Variants in NEGR1 observed in about 807,000 individuals in gnomAD.
NEGR1 encodes IgLON family member 4.
NEGR1 carries 10 observed loss-of-function variants against 40.9 expected under a neutral mutation model. The ratio of observed to expected loss-of-function variants is 0.24; its 90% CI spans 0.15 to 0.42. The LOEUF (loss-of-function observed/expected upper bound fraction) is 0.42. NEGR1 is among the 10% of genes least tolerant of loss of function. NEGR1 has a pLI of 1.00. For synonymous variants in NEGR1, 185 were observed against 166.8 expected, an observed-to-expected ratio of 1.11 and a Z score of -0.84; for missense variants, 352 against 438.9, an observed-to-expected ratio of 0.80 and a Z score of 1.77.
intron 2 of NEGR1, among the ~76,000 whole-genome samples, chr1:71,789,942 G>A (rs915964474): frequency 9.9e-5 from 15 of 152,030 alleles, no homozygotes; most frequent in Middle Eastern, 3.4e-3. Context: ...TTTTATTCAC[G>A]GCTACTACTG....
chr1:71,692,551 G>C (rs979868668), intron 4 of NEGR1, among the ~76,000 whole-genome samples: 1 of 151,446 alleles, frequency 6.6e-6, no homozygotes, highest in African/African-American at 2.4e-5. Flanking sequence ...TCTTAAGTTT[G>C]ACATATTGCC....
intron 6 of NEGR1, among the ~76,000 whole-genome samples, chr1:71,427,424 C>A (rs1646435550): frequency 6.6e-6 from 1 of 152,204 alleles, no homozygotes; most frequent in South Asian, 2.1e-4. Flanking sequence ...ACACTCCAAT[C>A]TATTTGGAAA....
intron 4 of NEGR1, among the ~76,000 whole-genome samples, chr1:71,639,858 C>T (rs1332123602): frequency 6.6e-6 from 1 of 151,960 alleles, no homozygotes; most frequent in African/African-American, 2.4e-5. Flanking sequence ...AAACATGAAA[C>T]CAATCAGGAC....
Position 72,143,914 on chromosome 1 carries a change from A to ATATATATTTT in NEGR1, c.176+138404_176+138405insAAAATATATA, listed in dbSNP as rs1491498187. On this transcript the variant is annotated intron_variant, in intron 1 of 6. Coordinates refer to ENST00000357731, the MANE Select transcript of NEGR1 (RefSeq NM_173808.3). ...TATATATTATATATATGATATATAT[A>ATATATATTTT]ATATATATATATATATATATATATA... Among the ~76,000 whole-genome samples, 156 of 130,598 alleles carry ATATATATTTT rather than the reference A, an allele frequency of 1.2e-3. 1 individual carries two copies. The highest frequency in any genetic ancestry group is 4.2e-3 in the African/African-American group (143 of 33,690). The allele number at this position is 130,598 out of a possible 152,430, so 85.7% of individuals were successfully genotyped here.
intron 3 of NEGR1, among the ~76,000 whole-genome samples, chr1:71,775,836 C>CA (rs1302214876): frequency 2.0e-5 from 3 of 151,100 alleles, no homozygotes; most frequent in Non-Finnish European, 4.4e-5. Flanking sequence ...ACTAAAAATA[C>CA]AAAAAAAGTA....
intron 2 of NEGR1, among the ~76,000 whole-genome samples, chr1:71,788,571 T>C (rs1343043879): frequency 6.6e-6 from 1 of 152,146 alleles, no homozygotes; most frequent in African/African-American, 2.4e-5. Flanking sequence ...ACTCAAATTT[T>C]CAGATATTCT....
intron 1 of NEGR1, among the ~76,000 whole-genome samples, chr1:71,979,846 G>T (rs2554413): frequency 0.017 from 2,611 of 152,142 alleles, 74 homozygotes; most frequent in African/African-American, 0.06. Context: ...AAGACAAATG[G>T]TTAAAGTCGT....
At chr1:71,750,717 A>G (rs1211320629) in intron 3 of NEGR1, among the ~76,000 whole-genome samples, 1 of 152,174 alleles carries the variant, frequency 6.6e-6, no homozygotes, top group Non-Finnish European at 1.5e-5. Context: ...AGGAGGTACA[A>G]TTCAAGATGA....
chr1:71,903,168 T>C (rs990486382), intron 2 of NEGR1, among the ~76,000 whole-genome samples: 1 of 152,044 alleles, frequency 6.6e-6, no homozygotes, highest in East Asian at 1.9e-4. Context: ...ACTTCCATTA[T>C]TATAACTCAA....
intron 1 of NEGR1, among the ~76,000 whole-genome samples, chr1:72,125,747 A>G (rs1477169277): frequency 6.6e-6 from 1 of 152,062 alleles, no homozygotes; most frequent in Non-Finnish European, 1.5e-5. Context: ...TATTTCTCAC[A>G]TAAAATAAAA....
intron 1 of NEGR1, among the ~76,000 whole-genome samples, chr1:72,152,335 C>T (rs1282773404): frequency 1.3e-5 from 2 of 151,774 alleles, no homozygotes; most frequent in Non-Finnish European, 2.9e-5. Context: ...ACATAGAATG[C>T]TAATGAACTT....
At chr1:71,485,157 T>C (rs922582496) in intron 6 of NEGR1, among the ~76,000 whole-genome samples, 6 of 151,654 alleles carry the variant, frequency 4.0e-5, no homozygotes, top group African/African-American at 1.4e-4. Flanking sequence ...TAATTGTGTG[T>C]GTGAGGAGGT....
intron 1 of NEGR1, among the ~76,000 whole-genome samples, chr1:71,956,241 A>C (rs911314871): frequency 6.6e-6 from 1 of 152,182 alleles, no homozygotes; most frequent in Non-Finnish European, 1.5e-5. Context: ...AGCCTAGCAC[A>C]GTGTCTGACA....
intron 6 of NEGR1, among the ~76,000 whole-genome samples, chr1:71,475,034 A>G (rs1646810969): frequency 6.6e-6 from 1 of 152,080 alleles, no homozygotes; most frequent in Non-Finnish European, 1.5e-5. Flanking sequence ...CATATTCTTT[A>G]TGGGTACATA....
chr1:71,957,022 C>T (rs1019561748), intron 1 of NEGR1, among the ~76,000 whole-genome samples: 2 of 152,146 alleles, frequency 1.3e-5, no homozygotes, highest in African/African-American at 2.4e-5. Context: ...CGCAGGAATA[C>T]TCAGACCATT....
intron 1 of NEGR1, among the ~76,000 whole-genome samples, chr1:72,100,378 C>T (rs1233116370): frequency 1.3e-5 from 2 of 152,166 alleles, no homozygotes; most frequent in African/African-American, 2.4e-5. Flanking sequence ...CTATTGCAAA[C>T]ACCCAAGACT....
At chr1:71,438,629 G>A (rs1361331211) in intron 6 of NEGR1, among the ~76,000 whole-genome samples, 1 of 152,196 alleles carries the variant, frequency 6.6e-6, no homozygotes, top group Non-Finnish European at 1.5e-5. Context: ...TTTGTTTAGT[G>A]CACCAAACAG....
intron 6 of NEGR1, among the ~76,000 whole-genome samples, chr1:71,446,454 A>AG (rs1158795761): frequency 6.6e-6 from 1 of 152,192 alleles, no homozygotes; most frequent in East Asian, 1.9e-4. Context: ...AAGATGAATT[A>AG]TTTTTGACAA....
intron 3 of NEGR1, among the ~76,000 whole-genome samples, chr1:71,754,723 T>A (rs1655676725): frequency 2.0e-5 from 3 of 151,072 alleles, no homozygotes; most frequent in Admixed American, 6.6e-5. Context: ...TCAGAAAGGA[T>A]CTCCATGCTG....
Sources: allele counts gnomAD v4.1 joint callset (sites outside exome capture counted in the v4.1 genomes callset), GRCh38; gene constraint gnomAD v4.1.1; transcripts MANE v1.5; gene names NCBI Gene and HGNC (gene_info 2026-07-23, HGNC 2026-07-21).